NR2F1-AS1: variants seen among roughly 807,000 people sequenced by gnomAD.
NR2F1-AS1 encodes NR2F1 regulatory antisense RNA 1.
chr5:93,554,649 A>G (rs966659875), intron 3 of NR2F1-AS1, among the ~76,000 whole-genome samples: 1 of 152,212 alleles, frequency 6.6e-6, no homozygotes, highest in East Asian at 1.9e-4. Flanking sequence ...CAAAATCACA[A>G]TGTTAAGTGC....
At chr5:93,581,676 C>CGG (rs1561518941), upstream of NR2F1-AS1, among the ~76,000 whole-genome samples, 1 of 30,432 alleles carries the variant, frequency 3.3e-5, no homozygotes, top group Non-Finnish European at 6.6e-5. Flanking sequence ...CGGTCTCTCT[C>CGG]TCTCTCTCTC....
intron 4 of NR2F1-AS1, among the ~76,000 whole-genome samples, chr5:93,418,531 A>G (rs1749016780): frequency 6.6e-6 from 1 of 152,152 alleles, no homozygotes; most frequent in Non-Finnish European, 1.5e-5. Flanking sequence ...AGTTGCAGTA[A>G]GCCAAGATTG....
intron 4 of NR2F1-AS1, among the ~76,000 whole-genome samples, chr5:93,462,193 CA>C (rs1449590624): frequency 6.6e-6 from 1 of 152,206 alleles, no homozygotes; most frequent in Non-Finnish European, 1.5e-5. Flanking sequence ...ACAATTCCCA[CA>C]TGTCATGGGA....
In NR2F1-AS1 at chr5:93,548,955, G is replaced by C. The variant is rs1008623790; in HGVS notation, n.638+4806C>G. Among the ~76,000 whole-genome samples, 3 of 152,110 alleles carry C rather than the reference G, an allele frequency of 2.0e-5. No homozygotes were observed. In the South Asian group the frequency reaches 6.2e-4, roughly 32 times the overall value. Reference sequence around the variant, plus strand: ...TAATTCCTTAATTTCAATTATACCAGGGTATAACATATGTTAAAAACATAT... The same window carrying C: ...TAATTCCTTAATTTCAATTATACCACGGTATAACATATGTTAAAAACATAT... On this transcript the variant is annotated intron_variant and non_coding_transcript_variant, in intron 4 of 5. Coordinates refer to ENST00000660523, the Ensembl canonical transcript of NR2F1-AS1.
At chr5:93,467,007 T>C (rs1410220128) in intron 4 of NR2F1-AS1, among the ~76,000 whole-genome samples, 2 of 149,410 alleles carry the variant, frequency 1.3e-5, no homozygotes, top group African/African-American at 4.9e-5. Flanking sequence ...TTCAAGAGAT[T>C]CTCCTGCCTC....
intron 4 of NR2F1-AS1, among the ~76,000 whole-genome samples, chr5:93,501,878 C>T (rs981393978): frequency 2.8e-4 from 42 of 152,082 alleles, no homozygotes; most frequent in Admixed American, 5.9e-4. Context: ...TCATGAAAGA[C>T]AGAGTCAATC....
intron 4 of NR2F1-AS1, among the ~76,000 whole-genome samples, chr5:93,530,894 A>G (rs1751723066): frequency 6.6e-6 from 1 of 151,756 alleles, no homozygotes; most frequent in South Asian, 2.1e-4. Flanking sequence ...CTTAAGTTTA[A>G]TTTTTTTTGA....
chr5:93,515,512 T>C (rs1021464582), intron 4 of NR2F1-AS1, among the ~76,000 whole-genome samples: 2 of 151,980 alleles, frequency 1.3e-5, no homozygotes, highest in African/African-American at 4.8e-5. Context: ...TTAAACTTAA[T>C]TTTGAAATTA....
At chr5:93,560,415 A>G (rs1752461361) in intron 2 of NR2F1-AS1, among the ~76,000 whole-genome samples, 1 of 152,166 alleles carries the variant, frequency 6.6e-6, no homozygotes, top group South Asian at 2.1e-4. Context: ...TCAAAACCTA[A>G]TCTTGGAACT....
At chr5:93,449,934 G>A (rs894326117) in intron 4 of NR2F1-AS1, among the ~76,000 whole-genome samples, 5 of 152,156 alleles carry the variant, frequency 3.3e-5, no homozygotes, top group African/African-American at 1.2e-4. Context: ...AAAAGATAAT[G>A]TATCATATCT....
intron 4 of NR2F1-AS1, among the ~76,000 whole-genome samples, chr5:93,472,975 G>T (rs1750401009): frequency 6.6e-6 from 1 of 151,844 alleles, no homozygotes; most frequent in South Asian, 2.1e-4. Context: ...AACAATTTTT[G>T]CCTATTTTTA....
chr5:93,435,909 C>A (rs535361318), intron 4 of NR2F1-AS1, among the ~76,000 whole-genome samples: 1 of 152,286 alleles, frequency 6.6e-6, no homozygotes, highest in South Asian at 2.1e-4. Context: ...CCTACTGGTA[C>A]ACACACAGTC....
At chr5:93,460,751 A>G (rs1000885293) in intron 4 of NR2F1-AS1, among the ~76,000 whole-genome samples, 1 of 152,230 alleles carries the variant, frequency 6.6e-6, no homozygotes, top group Non-Finnish European at 1.5e-5. Flanking sequence ...ATCACTGATC[A>G]TTAGAGAAAT....
chr5:93,509,958 G>A (rs1311174023), intron 4 of NR2F1-AS1, among the ~76,000 whole-genome samples: 7 of 151,496 alleles, frequency 4.6e-5, no homozygotes, highest in African/African-American at 7.3e-5. Flanking sequence ...AGAAACTAGA[G>A]CAAAAAAAAT....
chr5:93,511,085 A>C (rs2149890716), intron 4 of NR2F1-AS1, among the ~76,000 whole-genome samples: 1 of 152,276 alleles, frequency 6.6e-6, no homozygotes, highest in East Asian at 1.9e-4. Context: ...TTTATGTGTC[A>C]ATTTGAATGG....
intron 4 of NR2F1-AS1, among the ~76,000 whole-genome samples, chr5:93,531,645 C>T (rs1458805676): frequency 6.6e-6 from 1 of 152,142 alleles, no homozygotes; most frequent in Non-Finnish European, 1.5e-5. Context: ...TTCATTGTCT[C>T]TCAACTTTCT....
intron 4 of NR2F1-AS1, among the ~76,000 whole-genome samples, chr5:93,423,431 T>G (rs958679547): frequency 1.3e-5 from 2 of 152,086 alleles, no homozygotes; most frequent in African/African-American, 4.8e-5. Flanking sequence ...GAACCATGGG[T>G]GGCAGAGGCA....
chr5:93,525,442 G>A (rs1279414109), intron 4 of NR2F1-AS1, among the ~76,000 whole-genome samples: 3 of 152,134 alleles, frequency 2.0e-5, no homozygotes, highest in African/African-American at 7.2e-5. Flanking sequence ...GTCAATATTA[G>A]ACGGATCAAC....
intron 4 of NR2F1-AS1, among the ~76,000 whole-genome samples, chr5:93,537,853 T>C (rs1751870632): frequency 6.6e-6 from 1 of 152,148 alleles, no homozygotes; most frequent in African/African-American, 2.4e-5. Flanking sequence ...ATAAGGCATA[T>C]AAGAAAAAAA....
Sources: allele counts gnomAD v4.1 joint callset (sites outside exome capture counted in the v4.1 genomes callset), GRCh38; gene constraint gnomAD v4.1.1; transcripts MANE v1.5; gene names NCBI Gene and HGNC (gene_info 2026-07-23, HGNC 2026-07-21).